The following HDAC9 variants were observed in gnomAD, a reference collection of about 807,000 sequenced individuals.
The protein encoded by HDAC9 is MEF-2 interacting transcription repressor (MITR) protein.
Under a neutral mutation model 139.4 loss-of-function variants are expected in HDAC9, and 41 were observed. That is an observed-to-expected ratio of 0.29 (90% CI 0.23 to 0.38). The LOEUF (loss-of-function observed/expected upper bound fraction) is 0.38, where lower values mean the gene tolerates loss of function less well. Ranked by LOEUF, HDAC9 falls within the 10% of genes least tolerant of loss-of-function variation. The probability of loss-of-function intolerance (pLI) is 1.00; values close to 1 mark genes in which losing one functional copy is unlikely to be tolerated. For synonymous variants in HDAC9, 517 were observed against 476.2 expected (o/e 1.09, Z -1.12); for missense variants, 1,147 against 1,297.0 (o/e 0.88, Z 1.78).
In HDAC9 at chr7:18,179,273, T is replaced by C. The variant is rs1431043367; in HGVS notation, c.25+16924T>C. ...TAGTCCAGCCTCCTGTGGGGTATCA[T>C]CCACTAACAATAATGCCATAACCCA... On this transcript the variant is annotated intron_variant, in intron 2 of 12. Transcript: ENST00000417496. Among the ~76,000 whole-genome samples the C allele has an allele frequency of 2.6e-5, 4 of 152,328 alleles. No individual in the cohort carries two copies. The East Asian group carries it at 7.7e-4, about 29-fold the overall frequency.
intron 12 of HDAC9, chr7:18,667,170 G>A: frequency 3.0e-6 from 3 of 985,214 alleles, no homozygotes; most frequent in Non-Finnish European, 3.6e-6. Flanking sequence ...ACATAGCACT[G>A]CTCATTTTAC....
chr7:18,728,887 C>A (rs911486073), intron 13 of HDAC9, among the ~76,000 whole-genome samples: 1 of 152,120 alleles, frequency 6.6e-6, no homozygotes, highest in African/African-American at 2.4e-5. Context: ...ATGTTTTATG[C>A]CATAAGAAAA....
At chr7:18,478,089 T>G (rs1203220815) in intron 1 of HDAC9, among the ~76,000 whole-genome samples, 1 of 151,966 alleles carries the variant, frequency 6.6e-6, no homozygotes, top group East Asian at 1.9e-4. Flanking sequence ...TTTTTTTTTT[T>G]GAGATGGAGT....
chr7:18,244,704 G>A (rs940213649), intron 2 of HDAC9, among the ~76,000 whole-genome samples: 4 of 152,104 alleles, frequency 2.6e-5, no homozygotes, highest in Admixed American at 6.5e-5. Context: ...AGCCTGAGGC[G>A]GGAGAATGGC....
At chr7:18,746,036 G>C (rs1363168586) in intron 13 of HDAC9, among the ~76,000 whole-genome samples, 1 of 151,128 alleles carries the variant, frequency 6.6e-6, no homozygotes, top group Non-Finnish European at 1.5e-5. Flanking sequence ...TTCCTGGCTA[G>C]TTTTTAAAAA....
chr7:18,666,581 A>G, intron 12 of HDAC9, 105 bp downstream of exon 12: 1 of 1,503,402 alleles, frequency 6.7e-7, no homozygotes, highest in Admixed American at 2.2e-5. Context: ...ATCAGTTTAT[A>G]TTTCTCTATG....
intron 22 of HDAC9, among the ~76,000 whole-genome samples, chr7:18,918,341 A>C (rs867801770): frequency 2.5e-4 from 37 of 150,124 alleles, no homozygotes; most frequent in Middle Eastern, 6.8e-3. Flanking sequence ...CATGGGGGGG[A>C]TGGAGGGGAA....
At chr7:18,414,057 A>C (rs1788821926) in intron 1 of HDAC9, among the ~76,000 whole-genome samples, 1 of 152,208 alleles carries the variant, frequency 6.6e-6, no homozygotes, top group African/African-American at 2.4e-5. Context: ...ATTATAAGTA[A>C]ATGAACGGCG....
intron 1 of HDAC9, among the ~76,000 whole-genome samples, chr7:18,147,980 A>T (rs1396802794): frequency 6.6e-6 from 1 of 152,116 alleles, no homozygotes; most frequent in Non-Finnish European, 1.5e-5. Context: ...CAGTTTTCAC[A>T]TATTCATTCT....
chr7:18,107,587 G>C (rs931392085), intron 1 of HDAC9, among the ~76,000 whole-genome samples: 5 of 151,880 alleles, frequency 3.3e-5, no homozygotes, highest in Non-Finnish European at 4.4e-5. Context: ...AAGAGTAGAA[G>C]CAAAAAAGTG....
intron 1 of HDAC9, among the ~76,000 whole-genome samples, chr7:18,451,389 G>GTATATATA (rs1563001072): frequency 7.1e-5 from 10 of 139,926 alleles, no homozygotes; most frequent in African/African-American, 1.8e-4. Flanking sequence ...GTGTGTGTGT[G>GTATATATA]TGTGTGTGTG....
At chr7:18,586,797 T>C (rs954080719) in intron 3 of HDAC9, among the ~76,000 whole-genome samples, 5 of 152,158 alleles carry the variant, frequency 3.3e-5, no homozygotes, top group African/African-American at 1.2e-4. Context: ...AGTGAGAGTA[T>C]TTTCTTTTGT....
At chr7:18,819,495 A>T (rs1794808130) in intron 17 of HDAC9, among the ~76,000 whole-genome samples, 1 of 152,152 alleles carries the variant, frequency 6.6e-6, no homozygotes, top group Non-Finnish European at 1.5e-5. Context: ...AAATGATCAG[A>T]TTCTTTTTTT....
intron 1 of HDAC9, among the ~76,000 whole-genome samples, chr7:18,361,008 T>C (rs1783732027): frequency 6.6e-6 from 1 of 152,196 alleles, no homozygotes; most frequent in African/African-American, 2.4e-5. Context: ...TTTCAGTTCA[T>C]TAAGCTTCTT....
chr7:18,563,703 T>G (rs1821330943), intron 2 of HDAC9, among the ~76,000 whole-genome samples: 2 of 151,044 alleles, frequency 1.3e-5, no homozygotes, highest in Admixed American at 1.3e-4. Context: ...TTTCTTGCCA[T>G]CAATTCCCTC....
At position 18,666,473 on chromosome 7, in the gene HDAC9, A is replaced by G; in HGVS notation, c.1728A>G (p.Gln576=). ...CTGGGGAGCAGGCTGCTTTTATGCA[A>G]CAGGTAATAGGCAAAGATTTAGCTC... ...MESGEQAAFM[Q]QPFLEPTHTR... The change falls in exon 12 of 26, where the codon CAA becomes CAG. Residue 576 remains glutamine, a synonymous_variant. Transcript: ENST00000686413. 6.2e-7 allele frequency: 1 copy of G among 1,607,982 alleles called. No individual in the cohort carries two copies. The highest frequency in any genetic ancestry group is 8.5e-7 in the Non-Finnish European group (1 of 1,176,638).
At chr7:18,877,510 T>A (rs13224833) in intron 22 of HDAC9, among the ~76,000 whole-genome samples, 6,162 of 152,264 alleles carry the variant, frequency 0.04, 301 homozygotes, top group African/African-American at 0.11. Context: ...GCAAAACTCA[T>A]TCCTGCTCCA....
chr7:18,692,562 A>G (rs1782745612), intron 12 of HDAC9, among the ~76,000 whole-genome samples: 2 of 152,118 alleles, frequency 1.3e-5, no homozygotes, highest in Admixed American at 6.6e-5. Flanking sequence ...TTTGAGAAAA[A>G]GAAGATTTGG....
At chr7:18,142,995 G>T (rs1243067844) in intron 1 of HDAC9, among the ~76,000 whole-genome samples, 1 of 152,154 alleles carries the variant, frequency 6.6e-6, no homozygotes, top group Non-Finnish European at 1.5e-5. Context: ...CAGGGCAGGG[G>T]ATGTCCTTCA....
Sources: allele counts gnomAD v4.1 joint callset (sites outside exome capture counted in the v4.1 genomes callset), GRCh38; gene constraint gnomAD v4.1.1; transcripts MANE v1.5; gene names NCBI Gene and HGNC (gene_info 2026-07-23, HGNC 2026-07-21).